The following COL21A1 variants were observed in gnomAD, a reference collection of about 807,000 sequenced individuals.
COL21A1 encodes the protein collagen alpha-1(XXI) chain.
A neutral mutation model predicts 137.9 loss-of-function variants in COL21A1; 149 were observed. The ratio of observed to expected loss-of-function variants is 1.08; its 90% confidence interval spans 0.95 to 1.24. The LOEUF is 1.24. COL21A1 is among the 50% of genes most tolerant of loss of function. COL21A1 has a pLI of 0.00. For synonymous variants in COL21A1, 456 were observed against 391.5 expected, an observed-to-expected ratio of 1.16 and a Z score of -1.95; for missense variants, 1,167 against 1,158.4, an observed-to-expected ratio of 1.01 and a Z score of -0.11.
chr6:56,188,698 G>A (rs1251224002), intron 1 of COL21A1, among the ~76,000 whole-genome samples: 1 of 152,318 alleles, frequency 6.6e-6, no homozygotes, highest in Non-Finnish European at 1.5e-5. Context: ...TCCCCAGTAG[G>A]GACCGACAGA....
intron 6 of COL21A1, among the ~76,000 whole-genome samples, chr6:56,167,208 G>A (rs1007476977): frequency 6.6e-6 from 1 of 152,146 alleles, no homozygotes; most frequent in Non-Finnish European, 1.5e-5. Context: ...AGAGCAAATC[G>A]ATTTTCTTCC....
chr6:56,082,300 G>A (rs1206174646), intron 17 of COL21A1, among the ~76,000 whole-genome samples: 1 of 151,056 alleles, frequency 6.6e-6, no homozygotes, highest in East Asian at 1.9e-4. Flanking sequence ...TAAGTGAAAT[G>A]CATATGAAAT....
At chr6:56,273,825 CA>C (rs921065090) in intron 1 of COL21A1, among the ~76,000 whole-genome samples, 1 of 152,030 alleles carries the variant, frequency 6.6e-6, no homozygotes. Context: ...GAAACTATTC[CA>C]AAAAAGGAAT....
chr6:56,078,621 C>G (rs1320390392), intron 17 of COL21A1, among the ~76,000 whole-genome samples: 1 of 151,586 alleles, frequency 6.6e-6, no homozygotes, highest in African/African-American at 2.4e-5. Context: ...ATTTTCACAC[C>G]CTGAGTTTAT....
At chr6:56,076,973 G>T (rs538076168) in intron 18 of COL21A1, among the ~76,000 whole-genome samples, 40 of 151,264 alleles carry the variant, frequency 2.6e-4, no homozygotes, top group Admixed American at 1.1e-3. Context: ...ACCTTAAAAG[G>T]TTCCAAAAGA....
intron 1 of COL21A1, among the ~76,000 whole-genome samples, chr6:56,334,718 G>A (rs1014611414): frequency 6.6e-6 from 1 of 152,098 alleles, no homozygotes; most frequent in Non-Finnish European, 1.5e-5. Flanking sequence ...GTAATTGCCA[G>A]TATAACACTA....
chr6:56,081,401 C>T (rs1767753580), intron 17 of COL21A1, among the ~76,000 whole-genome samples: 2 of 151,760 alleles, frequency 1.3e-5, no homozygotes, highest in Non-Finnish European at 2.9e-5. Flanking sequence ...CTTTCCTTTT[C>T]ATGTTTGGCT....
At chr6:56,116,676 G>A (rs898408665) in intron 16 of COL21A1, among the ~76,000 whole-genome samples, 1 of 151,928 alleles carries the variant, frequency 6.6e-6, no homozygotes, top group African/African-American at 2.4e-5. Context: ...TTACTGTGGT[G>A]TGTAAATTCC....
chr6:56,134,318 G>T (rs1773814341), intron 12 of COL21A1, among the ~76,000 whole-genome samples: 1 of 152,152 alleles, frequency 6.6e-6, no homozygotes, highest in African/African-American at 2.4e-5. Flanking sequence ...GACTTGCATA[G>T]GGCCTTTACC....
chr6:56,182,657 C>G lies in COL21A1; in HGVS notation c.-38-1G>C. ...TTCTAATATTTTGGTTTTAGGATTC[C>G]TAGGGGGAAAAAAAAGGCAAGTTAA... is the stretch of plus-strand genomic sequence containing the variant. On this transcript the variant is annotated splice_acceptor_variant, in intron 1 of 29. Transcript: ENST00000244728. LOFTEE classifies it low-confidence loss of function (5UTR_SPLICE). 1 of 1,368,528 alleles carries G rather than the reference C, an allele frequency of 7.3e-7. No individual in the cohort carries two copies. The highest frequency in any genetic ancestry group is 1.0e-6 in the Non-Finnish European group (1 of 982,238). 84.8% of individuals were successfully genotyped at this position (1,368,528 alleles called of 1,614,324 possible).
At chr6:56,378,691 G>A (rs2094003805) in intron 1 of COL21A1, among the ~76,000 whole-genome samples, 2 of 152,208 alleles carry the variant, frequency 1.3e-5, no homozygotes, top group African/African-American at 4.8e-5. Flanking sequence ...GGCTGGCGTT[G>A]CCACTTGCTG....
rs74441372 is a variant in COL21A1, at chr6:56,196,610, A to G, written c.-38-13954T>C. On this transcript the variant is annotated intron_variant, in intron 1 of 29. Transcript: ENST00000244728. ...ACAAATTAAGAAAGGAATATAATTT[A>G]CAATAGCATCAAAAGGAATAAAATA... Among the ~76,000 whole-genome samples, 430 of 152,236 alleles carry G rather than the reference A, an allele frequency of 2.8e-3. 7 individuals carry two copies. The East Asian group carries it at 0.049, about 17-fold the overall frequency.
At chr6:56,239,939 T>C (rs1782171464) in intron 1 of COL21A1, among the ~76,000 whole-genome samples, 1 of 152,134 alleles carries the variant, frequency 6.6e-6, no homozygotes, top group African/African-American at 2.4e-5. Flanking sequence ...CAATGTGTTG[T>C]GAGAGGGACC....
At chr6:56,202,657 C>T (rs767529102) in intron 1 of COL21A1, among the ~76,000 whole-genome samples, 5 of 152,126 alleles carry the variant, frequency 3.3e-5, no homozygotes, top group African/African-American at 4.8e-5. Flanking sequence ...ATTTAAACTG[C>T]TAGTTTCAGA....
chr6:56,111,163 A>AC (rs1245823417), intron 16 of COL21A1, among the ~76,000 whole-genome samples: 10 of 151,944 alleles, frequency 6.6e-5, no homozygotes, highest in Non-Finnish European at 2.9e-5. Context: ...AAAAAAAAAA[A>AC]AACTATAATC....
chr6:56,073,395 T>C (rs1464351525), intron 20 of COL21A1, among the ~76,000 whole-genome samples: 2 of 151,418 alleles, frequency 1.3e-5, no homozygotes, highest in Admixed American at 1.3e-4. Context: ...TCCCATGTCT[T>C]TTTTTTCTCT....
intron 1 of COL21A1, among the ~76,000 whole-genome samples, chr6:56,349,346 GAAA>G (rs60307280): frequency 0.042 from 6,139 of 146,888 alleles, 162 homozygotes; most frequent in Non-Finnish European, 0.05. Flanking sequence ...CCGCCCCCCT[GAAA>G]AAAAAAAAAA....
intron 1 of COL21A1, among the ~76,000 whole-genome samples, chr6:56,277,782 CA>C (rs1763702268): frequency 6.6e-6 from 1 of 152,008 alleles, no homozygotes; most frequent in East Asian, 1.9e-4. Context: ...GCATGTGAAC[CA>C]TAAAAATGTT....
chr6:56,164,436 A>G lies in COL21A1; in HGVS notation c.1358T>C (p.Leu453Pro), dbSNP rs750212727. 6.3e-7 allele frequency: 1 copy of G among 1,584,924 alleles called. No homozygotes were observed. The highest frequency in any genetic ancestry group is 1.2e-5 in the South Asian group (1 of 86,456). The change falls in exon 9 of 30, where the codon CTT becomes CCT. Residue 453 changes from leucine to proline, a missense_variant. Coordinates refer to ENST00000244728, the MANE Select transcript of COL21A1 (RefSeq NM_030820.4). ...PCICPPGKPG[L>P]QGPKGDPGLP... ...GGTGTTACCCACTTTGGGGCCTTGA[A>G]GTCCTGGTTTTCCCGGAGGACAAAT...
Sources: allele counts gnomAD v4.1 joint callset (sites outside exome capture counted in the v4.1 genomes callset), GRCh38; gene constraint gnomAD v4.1.1; transcripts MANE v1.5; gene names NCBI Gene and HGNC (gene_info 2026-07-23, HGNC 2026-07-21).